Variants in FRMPD4 observed in about 807,000 individuals in gnomAD.
FRMPD4 encodes the protein FERM and PDZ domain-containing protein 4.
A neutral mutation model predicts 94.1 loss-of-function variants in FRMPD4; 22 were observed. The observed-to-expected ratio is 0.23, with a 90% CI of 0.17 to 0.33. The LOEUF is 0.33. Among genes scored for constraint, FRMPD4 ranks in the 10% least tolerant of loss-of-function variants. FRMPD4 has a pLI of 1.00. For synonymous variants in FRMPD4, 631 were observed against 548.6 expected, an observed-to-expected ratio of 1.15 and a Z score of -2.10; for missense variants, 1,111 against 1,339.9, an observed-to-expected ratio of 0.83 and a Z score of 2.67.
At chrX:12,506,334 G>A (rs2057984921) in intron 2 of FRMPD4, among the ~76,000 whole-genome samples, 1 of 111,207 alleles carries the variant, frequency 9.0e-6, no homozygotes. Flanking sequence ...CTGTCGCCAG[G>A]CTGGAGTGCA....
At chrX:12,651,162 G>A (rs1441612975) in intron 4 of FRMPD4, among the ~76,000 whole-genome samples, 1 of 112,265 alleles carries the variant, frequency 8.9e-6, no homozygotes, top group East Asian at 2.8e-4. Context: ...GGACAAGGGC[G>A]CAAGCAGAAA....
At chrX:12,091,475 C>T (rs1462226275) in intron 3 of FRMPD4, among the ~76,000 whole-genome samples, 1 of 112,508 alleles carries the variant, frequency 8.9e-6, no homozygotes, top group Admixed American at 9.4e-5. Flanking sequence ...TCTTATTTTA[C>T]ATAAACAATG....
At chrX:11,955,529 A>C (rs1457498237) in intron 3 of FRMPD4, among the ~76,000 whole-genome samples, 1 of 110,057 alleles carries the variant, frequency 9.1e-6, no homozygotes, top group Non-Finnish European at 1.9e-5. Flanking sequence ...AGGTGGGCGG[A>C]TCACGAGGTC....
intron 1 of FRMPD4, among the ~76,000 whole-genome samples, chrX:11,859,527 C>T (rs2053673752): frequency 8.9e-6 from 1 of 111,828 alleles, no homozygotes; most frequent in Non-Finnish European, 1.9e-5. Flanking sequence ...GTAAGGAAGG[C>T]CATTTTCCAA....
chrX:11,866,221 A>G (rs2053717972), intron 2 of FRMPD4, among the ~76,000 whole-genome samples: 1 of 112,131 alleles, frequency 8.9e-6, no homozygotes, highest in Admixed American at 9.5e-5. Flanking sequence ...AGATCTTACA[A>G]GTAAACAGTA....
intron 1 of FRMPD4, among the ~76,000 whole-genome samples, chrX:12,299,319 GGAA>G (rs201208009): frequency 0.01 from 1,147 of 109,349 alleles, 19 homozygotes; most frequent in African/African-American, 0.037. Context: ...AGGAGGAAGA[GGAA>G]GAAGAAGAAG....
chrX:12,265,761 C>G (rs57409210), intron 1 of FRMPD4, among the ~76,000 whole-genome samples: 4 of 109,477 alleles, frequency 3.7e-5, no homozygotes, highest in Non-Finnish European at 7.6e-5. Flanking sequence ...AACCCCCCCC[C>G]AAAACTGCAC....
At chrX:12,545,507 G>A (rs1483805265) in intron 2 of FRMPD4, among the ~76,000 whole-genome samples, 2 of 112,795 alleles carry the variant, frequency 1.8e-5, no homozygotes, top group East Asian at 2.8e-4. Flanking sequence ...GATGGTTGGT[G>A]CCCTAGGGCA....
At chrX:12,018,934 T>C (rs2054618542) in intron 3 of FRMPD4, among the ~76,000 whole-genome samples, 1 of 111,948 alleles carries the variant, frequency 8.9e-6, no homozygotes, top group African/African-American at 3.3e-5. Context: ...GCCAGAGGTG[T>C]TTTGGAATTC....
At chrX:12,054,236 G>A (rs1489573023) in intron 3 of FRMPD4, among the ~76,000 whole-genome samples, 1 of 110,892 alleles carries the variant, frequency 9.0e-6, no homozygotes, top group Non-Finnish European at 1.9e-5. Context: ...TATTTTGGGG[G>A]TAGTGTGTCC....
chrX:12,513,291 T>C (rs986656710), intron 2 of FRMPD4, among the ~76,000 whole-genome samples: 2 of 112,186 alleles, frequency 1.8e-5, no homozygotes, highest in African/African-American at 6.5e-5. Flanking sequence ...AATCTTTGCC[T>C]GTGCCTACGT....
Position 12,723,923 on chromosome X carries a change from G to C in FRMPD4, c.*2065G>C, listed in dbSNP as rs1602387565. ...TCAATTATAAGATCGATTTCCATAGGGTTGTCATGAGTTTTGAGTAAAAAT... is the reference window on the plus strand; with the variant it reads ...TCAATTATAAGATCGATTTCCATAGCGTTGTCATGAGTTTTGAGTAAAAAT... On this transcript the variant is annotated 3_prime_UTR_variant, in exon 17 of 17. Coordinates refer to ENST00000675598, the MANE Select transcript of FRMPD4 (RefSeq NM_001368397.1). The C allele has an allele frequency of 9.0e-6, 1 of 111,489 alleles. No individual in the cohort carries two copies. The highest frequency in any genetic ancestry group is 2.8e-4 in the East Asian group (1 of 3,605). 9.2% of individuals were successfully genotyped at this position (111,489 alleles called of 1,213,427 possible).
At chrX:12,353,275 T>A (rs748418052) in intron 1 of FRMPD4, among the ~76,000 whole-genome samples, 6 of 112,294 alleles carry the variant, frequency 5.3e-5, no homozygotes, top group South Asian at 7.5e-4. Context: ...GAGCAGATTT[T>A]AGAAAGAACA....
At chrX:12,451,171 CCTT>C (rs2057265536) in intron 1 of FRMPD4, among the ~76,000 whole-genome samples, 1 of 111,417 alleles carries the variant, frequency 9.0e-6, no homozygotes, top group African/African-American at 3.3e-5. Context: ...GTCTTCTCCT[CCTT>C]CAAGTCTTTG....
chrX:11,928,689 G>A (rs1056935342), intron 3 of FRMPD4, among the ~76,000 whole-genome samples: 2 of 112,401 alleles, frequency 1.8e-5, no homozygotes, highest in Non-Finnish European at 3.8e-5. Flanking sequence ...AGTCATTGTG[G>A]AAGACAGTGT....
intron 3 of FRMPD4, among the ~76,000 whole-genome samples, chrX:11,918,504 T>C (rs2147342766): frequency 8.9e-6 from 1 of 112,543 alleles, no homozygotes; most frequent in East Asian, 2.8e-4. Flanking sequence ...CTCAGGAGGC[T>C]GAGGTGGGAG....
intron 3 of FRMPD4, among the ~76,000 whole-genome samples, chrX:11,946,542 T>C (rs2054190239): frequency 1.8e-5 from 2 of 111,730 alleles, no homozygotes; most frequent in African/African-American, 6.5e-5. Flanking sequence ...ACACCCCTGA[T>C]GGTGCTTGCT....
intron 2 of FRMPD4, among the ~76,000 whole-genome samples, chrX:12,585,621 T>C (rs923328729): frequency 8.9e-6 from 1 of 112,192 alleles, no homozygotes; most frequent in Non-Finnish European, 1.9e-5. Context: ...CTTCTACTTC[T>C]GTATACCTTA....
chrX:11,831,725 G>A (rs2053476193), intron 1 of FRMPD4, among the ~76,000 whole-genome samples: 1 of 111,295 alleles, frequency 9.0e-6, no homozygotes, highest in Non-Finnish European at 1.9e-5. Context: ...ATGGGCCGGA[G>A]ATAAATGAGG....
Sources: gnomAD v4.1 joint callset for allele counts (sites outside exome capture counted in the v4.1 genomes callset) on GRCh38, gnomAD v4.1.1 for gene constraint, MANE v1.5 for transcripts, NCBI Gene and HGNC (gene_info 2026-07-23, HGNC 2026-07-21) for gene names.